The following TRHDE variants were observed in gnomAD, a reference collection of about 807,000 sequenced individuals.
TRHDE encodes the protein thyrotropin releasing hormone degrading enzyme, also known as thyrotropin-releasing hormone-degrading ectoenzyme.
TRHDE carries 72 observed loss-of-function variants against 125.7 expected under a neutral mutation model. The ratio of observed to expected loss-of-function variants is 0.57; its 90% confidence interval spans 0.47 to 0.70. The LOEUF (loss-of-function observed/expected upper bound fraction) is 0.70. TRHDE is among the 30% of genes least tolerant of loss of function. The pLI, the probability that TRHDE is intolerant of heterozygous loss-of-function variation, is 0.00. For synonymous variants in TRHDE, 509 were observed against 509.1 expected (o/e 1.00, Z 0.00); for missense variants, 1,110 against 1,327.1 (o/e 0.84, Z 2.54).
chr12:72,528,934 G>A (rs766612696), intron 6 of TRHDE, among the ~76,000 whole-genome samples: 4 of 151,816 alleles, frequency 2.6e-5, no homozygotes, highest in Admixed American at 1.3e-4. Context: ...ATACTTTAAC[G>A]ATGATTATAA....
Position 72,638,394 on chromosome 12 carries a change from T to G in TRHDE, c.2676-13928T>G, listed in dbSNP as rs1426772423. On this transcript the variant is annotated intron_variant, in intron 15 of 18. Coordinates refer to ENST00000261180, the MANE Select transcript of TRHDE (RefSeq NM_013381.3). ...CCATCCCTTTATTTTGAGCCTATGT[T>G]TGTCTCTGCACGTGAGATGGGTTTC... 2.9e-3 allele frequency among the ~76,000 whole-genome samples: 443 copies of G among 151,736 alleles called. 4 individuals are homozygous for G. The highest frequency in any genetic ancestry group is 9.6e-3 in the African/African-American group (396 of 41,246).
chr12:72,263,202 C>T (rs532238796), intron 2 of TRHDE: 3 of 152,130 alleles, frequency 2.0e-5, no homozygotes, highest in Non-Finnish European at 4.4e-5. Context: ...GTTCAGTCCC[C>T]ATTGCCCCCA....
At chr12:72,295,921 A>G (rs950233677) in intron 2 of TRHDE, among the ~76,000 whole-genome samples, 2 of 152,214 alleles carry the variant, frequency 1.3e-5, no homozygotes, top group East Asian at 3.8e-4. Flanking sequence ...TTGGATTACA[A>G]TCTATTTAGG....
Position 72,187,486 on chromosome 12 carries a change from G to C in TRHDE, n.279+81734G>C, listed in dbSNP as rs71456092. 2.3e-4 allele frequency among the ~76,000 whole-genome samples: 32 copies of C among 138,982 alleles called. No individual in the cohort carries two copies. The South Asian group carries it at 2.5e-3, about 11-fold the overall frequency. The allele number at this position is 138,982 out of a possible 152,430, so 91.2% of individuals were successfully genotyped here. On this transcript the variant is annotated intron_variant and non_coding_transcript_variant, in intron 2 of 4. Transcript: ENST00000548156. ...TGGTGGTGGTTGTGGTCGTGGTGGT[G>C]GTGGTGGTGGTGGTGGTGGTGGAGG... is the stretch of plus-strand genomic sequence containing the variant.
intron 12 of TRHDE, chr12:72,610,975 G>C (rs1256324759): frequency 6.5e-6 from 1 of 153,446 alleles, no homozygotes; most frequent in African/African-American, 2.4e-5. Context: ...GCTTCAGAGA[G>C]GCTATCAAAT....
intron 6 of TRHDE, among the ~76,000 whole-genome samples, chr12:72,539,997 A>G (rs1317559572): frequency 6.6e-6 from 1 of 151,786 alleles, no homozygotes; most frequent in Non-Finnish European, 1.5e-5. Context: ...GCATGATGAA[A>G]AAGGATTCTG....
chr12:72,171,095 T>C (rs562765127), intron 2 of TRHDE, among the ~76,000 whole-genome samples: 1 of 152,268 alleles, frequency 6.6e-6, no homozygotes, highest in South Asian at 2.1e-4. Context: ...CTTTTCAGTG[T>C]GCCTATTATC....
intron 12 of TRHDE, among the ~76,000 whole-genome samples, chr12:72,612,575 C>G (rs1872670744): frequency 6.6e-6 from 1 of 152,124 alleles, no homozygotes; most frequent in African/African-American, 2.4e-5. Context: ...TTTCTGTAAA[C>G]TTTAGCTTCT....
At chr12:72,438,589 GT>G (rs1250644541) in intron 3 of TRHDE, among the ~76,000 whole-genome samples, 2 of 151,632 alleles carry the variant, frequency 1.3e-5, no homozygotes, top group Non-Finnish European at 1.5e-5. Flanking sequence ...CTATCATGGT[GT>G]TTTGCTTTCA....
intron 12 of TRHDE, among the ~76,000 whole-genome samples, chr12:72,593,896 T>A (rs1260555389): frequency 6.6e-6 from 1 of 152,230 alleles, no homozygotes; most frequent in African/African-American, 2.4e-5. Context: ...GTGCCTCATT[T>A]TCTTAATCCA....
intron 3 of TRHDE, among the ~76,000 whole-genome samples, chr12:72,413,777 A>C (rs1376265002): frequency 6.6e-6 from 1 of 152,064 alleles, no homozygotes; most frequent in Non-Finnish European, 1.5e-5. Flanking sequence ...ATTGTCATAC[A>C]CTTATGGTAA....
At chr12:72,402,789 C>T (rs1403552154) in intron 3 of TRHDE, among the ~76,000 whole-genome samples, 1 of 151,874 alleles carries the variant, frequency 6.6e-6, no homozygotes, top group Non-Finnish European at 1.5e-5. Flanking sequence ...TTCTGTAGGG[C>T]ACAACTTTTT....
chr12:72,223,291 G>A (rs1441887085), intron 2 of TRHDE, among the ~76,000 whole-genome samples: 1 of 152,100 alleles, frequency 6.6e-6, no homozygotes, highest in Non-Finnish European at 1.5e-5. Context: ...ATGATATCAT[G>A]GAAGCTTGGC....
intron 2 of TRHDE, among the ~76,000 whole-genome samples, chr12:72,236,288 T>C (rs1032421494): frequency 2.0e-5 from 3 of 152,228 alleles, no homozygotes; most frequent in African/African-American, 7.2e-5. Flanking sequence ...AAAGATGTTA[T>C]TCATGTGACT....
At chr12:72,569,941 T>C (rs1870639792) in intron 10 of TRHDE, among the ~76,000 whole-genome samples, 1 of 152,234 alleles carries the variant, frequency 6.6e-6, no homozygotes, top group Non-Finnish European at 1.5e-5. Flanking sequence ...GTTGTTTGTC[T>C]ACATAAGTTG....
intron 12 of TRHDE, among the ~76,000 whole-genome samples, chr12:72,591,334 C>G (rs1176292897): frequency 6.6e-6 from 1 of 152,116 alleles, no homozygotes; most frequent in African/African-American, 2.4e-5. Context: ...ACTCTACATA[C>G]TATAATAAGC....
chr12:72,634,817 C>G (rs1246783487), intron 15 of TRHDE, among the ~76,000 whole-genome samples: 5 of 151,590 alleles, frequency 3.3e-5, no homozygotes, highest in African/African-American at 1.2e-4. Flanking sequence ...CATGTCCCTA[C>G]AAAGGACATG....
rs963080152 is a variant in TRHDE at position 72,481,436 on chromosome 12, C to T, written c.1584+8256C>T. Reference sequence around the variant, plus strand: ...ATTTTGCCTCAGTTACTCCTTTATCCGTTTTAATAGTAAAGACTCGTGTAG... The same window carrying T: ...ATTTTGCCTCAGTTACTCCTTTATCTGTTTTAATAGTAAAGACTCGTGTAG... On this transcript the variant is annotated intron_variant, in intron 5 of 18. Transcript: ENST00000261180. Among the ~76,000 whole-genome samples the T allele has an allele frequency of 2.6e-5, 4 of 151,098 alleles. No homozygotes were observed. The East Asian group carries it at 5.8e-4, about 22-fold the overall frequency.
At chr12:72,368,217 G>T (rs1188005018) in intron 2 of TRHDE, among the ~76,000 whole-genome samples, 1 of 151,978 alleles carries the variant, frequency 6.6e-6, no homozygotes, top group African/African-American at 2.4e-5. Context: ...AACAAAATCA[G>T]AATTTATTGC....
Sources: allele counts gnomAD v4.1 joint callset (sites outside exome capture counted in the v4.1 genomes callset), GRCh38; gene constraint gnomAD v4.1.1; transcripts MANE v1.5; gene names NCBI Gene and HGNC (gene_info 2026-07-23, HGNC 2026-07-21).